LUC7L2: variants seen among roughly 807,000 people sequenced by gnomAD.
The protein encoded by LUC7L2 is LUC7 like 2, pre-mRNA splicing factor.
Under a neutral mutation model 52.8 loss-of-function variants are expected in LUC7L2, and 25 were observed. The observed-to-expected ratio is 0.47, with a 90% confidence interval of 0.34 to 0.66. The LOEUF (loss-of-function observed/expected upper bound fraction) is 0.66, where lower values mean the gene tolerates loss of function less well. Among genes scored for constraint, LUC7L2 ranks in the 30% least tolerant of loss-of-function variants. LUC7L2 has a pLI of 0.01. For synonymous variants in LUC7L2, 144 were observed against 160.9 expected (o/e 0.89, Z 0.80); for missense variants, 328 against 497.8 (o/e 0.66, Z 3.25).
chr7:139,418,841 G>A (rs1317173690), intron 9 of LUC7L2, among the ~76,000 whole-genome samples: 1 of 152,038 alleles, frequency 6.6e-6, no homozygotes, highest in Non-Finnish European at 1.5e-5. Context: ...TGTGAGGCTG[G>A]GTGCCATGGC....
At chr7:139,410,515 C>T (rs1280344608) in intron 7 of LUC7L2, among the ~76,000 whole-genome samples, 2 of 151,240 alleles carry the variant, frequency 1.3e-5, no homozygotes, top group South Asian at 2.1e-4. Context: ...TCTAAACATT[C>T]TTCTGAGTCA....
chr7:139,384,158 G>T (rs1013116786), intron 2 of LUC7L2, among the ~76,000 whole-genome samples: 9 of 152,002 alleles, frequency 5.9e-5, no homozygotes, highest in African/African-American at 2.2e-4. Context: ...GTTTATTTTG[G>T]GCTGCCTTGG....
chr7:139,370,459 TTTTG>T (rs994436440), intron 1 of LUC7L2, among the ~76,000 whole-genome samples: 1 of 152,198 alleles, frequency 6.6e-6, no homozygotes, highest in African/African-American at 2.4e-5. Flanking sequence ...CACAAGGGTT[TTTTG>T]TTTGTTTGGT....
intron 1 of LUC7L2, among the ~76,000 whole-genome samples, chr7:139,345,147 G>C (rs6943973): frequency 0.39 from 58,936 of 151,966 alleles, 15,941 homozygotes; most frequent in African/African-American, 0.77. Flanking sequence ...CATTAATGAT[G>C]AGTGACCTAA....
chr7:139,397,356 T>C (rs1435040899), intron 2 of LUC7L2, among the ~76,000 whole-genome samples: 2 of 152,192 alleles, frequency 1.3e-5, no homozygotes, highest in East Asian at 3.8e-4. Context: ...ATGGGGAACA[T>C]TGCTATTTTA....
intron 1 of LUC7L2, among the ~76,000 whole-genome samples, chr7:139,351,272 C>T (rs1173964724): frequency 6.6e-6 from 1 of 152,230 alleles, no homozygotes; most frequent in Non-Finnish European, 1.5e-5. Flanking sequence ...ACCTCCTCAT[C>T]TTCCCCTACA....
At chr7:139,418,257 T>C (rs1490667763) in intron 9 of LUC7L2, among the ~76,000 whole-genome samples, 1 of 152,164 alleles carries the variant, frequency 6.6e-6, no homozygotes, top group Admixed American at 6.5e-5. Flanking sequence ...TTCCCTTGGT[T>C]TAATGAGAAC....
intron 3 of LUC7L2, among the ~76,000 whole-genome samples, chr7:139,399,317 G>A (rs1432952180): frequency 6.6e-6 from 1 of 151,938 alleles, no homozygotes; most frequent in Non-Finnish European, 1.5e-5. Context: ...GGGAGGATGT[G>A]TACTGGGAGA....
chr7:139,419,050 C>CAA (rs1225103998), intron 9 of LUC7L2, among the ~76,000 whole-genome samples: 1 of 151,412 alleles, frequency 6.6e-6, no homozygotes, highest in African/African-American at 2.4e-5. Flanking sequence ...GTGGAGGTTG[C>CAA]AGTGAGCCAA....
intron 1 of LUC7L2, chr7:139,363,307 C>A: frequency 1.1e-6 from 1 of 887,986 alleles, no homozygotes; most frequent in Non-Finnish European, 1.3e-6. Context: ...ATATGTGAAT[C>A]AGTGTAACTC....
chr7:139,357,181 T>C (rs3924296), upstream of LUC7L2, among the ~76,000 whole-genome samples: 58,793 of 151,464 alleles, frequency 0.39, 15,832 homozygotes, highest in African/African-American at 0.77. Context: ...ACTACTAGAG[T>C]GGAAGAAATT....
At chr7:139,378,953 T>A (rs1800850564) in intron 2 of LUC7L2, among the ~76,000 whole-genome samples, 1 of 152,198 alleles carries the variant, frequency 6.6e-6, no homozygotes. Flanking sequence ...GTGCCTGGCC[T>A]TAACTGTTGA....
chr7:139,404,772 G>A (rs1190487616), intron 4 of LUC7L2, among the ~76,000 whole-genome samples: 2 of 152,212 alleles, frequency 1.3e-5, no homozygotes, highest in African/African-American at 2.4e-5. Flanking sequence ...AAATCAGCAA[G>A]GTGCTATGCA....
chr7:139,365,909 T>G (rs1358466194), intron 1 of LUC7L2, among the ~76,000 whole-genome samples: 1 of 152,210 alleles, frequency 6.6e-6, no homozygotes, highest in Admixed American at 6.5e-5. Context: ...CCTTTTTGTT[T>G]AGGTTCTCAT....
At position 139,412,585 on chromosome 7, in the gene LUC7L2, G is replaced by A. The variant is rs1364497908; in HGVS notation, c.809+5G>A. ...ACACAGCAAGAATCCAAAAAGGTAG[G>A]TGTATTACATAAGACAGGTATAAGT... On this transcript the variant is annotated splice_donor_5th_base_variant and intron_variant, in intron 8 of 9. Coordinates refer to ENST00000354926, the MANE Select transcript of LUC7L2 (RefSeq NM_016019.5). The A allele has an allele frequency of 6.2e-7, 1 of 1,604,220 alleles. No individual in the cohort carries two copies. The highest frequency in any genetic ancestry group is 8.5e-7 in the Non-Finnish European group (1 of 1,176,838).
chr7:139,399,670 C>T (rs1156585555), intron 3 of LUC7L2, among the ~76,000 whole-genome samples: 1 of 151,600 alleles, frequency 6.6e-6, no homozygotes, highest in African/African-American at 2.4e-5. Context: ...AGGGTTTCAC[C>T]GTGTTAGCTA....
intron 6 of LUC7L2, 23 bp downstream of exon 6, chr7:139,407,373 A>G (rs1312979163): frequency 6.3e-7 from 1 of 1,591,882 alleles, no homozygotes; most frequent in Non-Finnish European, 8.6e-7. Flanking sequence ...AATATTCCTC[A>G]CTTTATCCTC....
chr7:139,371,572 C>A, intron 1 of LUC7L2: 2 of 1,304,352 alleles, frequency 1.5e-6, no homozygotes, highest in Non-Finnish European at 1.1e-6. Flanking sequence ...GGGGAGGGGG[C>A]GGATATTGGG....
At chr7:139,362,419 C>T (rs975324443) in intron 1 of LUC7L2, among the ~76,000 whole-genome samples, 2 of 151,718 alleles carry the variant, frequency 1.3e-5, no homozygotes, top group African/African-American at 2.4e-5. Context: ...TTCAAGTTAC[C>T]CAGGGATAGG....
Sources: gnomAD v4.1 joint callset for allele counts (sites outside exome capture counted in the v4.1 genomes callset) on GRCh38, gnomAD v4.1.1 for gene constraint, MANE v1.5 for transcripts, NCBI Gene and HGNC (gene_info 2026-07-23, HGNC 2026-07-21) for gene names.